The following ATF2 variants were observed in gnomAD, a reference collection of about 807,000 sequenced individuals.
The protein encoded by ATF2 is activating transcription factor 2.
In ATF2, 24 loss-of-function variants were observed where a neutral mutation model predicts 60.6. That is an observed-to-expected ratio of 0.40 (90% CI 0.29 to 0.56). ATF2 has a LOEUF of 0.56. ATF2 is among the 20% of genes least tolerant of loss of function. ATF2 has a pLI of 0.54. For missense variants in ATF2, 433 were observed against 607.7 expected, an observed-to-expected ratio of 0.71 and a Z score of 3.02; for synonymous variants, 206 against 215.4, an observed-to-expected ratio of 0.96 and a Z score of 0.38.
chr2:175,150,196 T>TATAAATAAATATATAAA (rs1699215921), intron 2 of ATF2, among the ~76,000 whole-genome samples: 1 of 152,194 alleles, frequency 6.6e-6, no homozygotes, highest in Admixed American at 6.5e-5. Flanking sequence ...TATAAATGTA[T>TATAAATAAATATATAAA]TGACAGATTT....
rs981629596 is a variant in ATF2, at chr2:175,118,372, G to A, written c.200-3C>T. 14 of 1,599,106 alleles carry A rather than the reference G, an allele frequency of 8.8e-6. No homozygotes were observed. Among genetic ancestry groups the A allele is most frequent in the African/African-American group, 1.3e-5 (1 of 74,176 alleles). ...TCTTGTTGGTGTTGGGGTCTGATCT[G>A]AAATAAATGTCAAGAAGTAATCATG... On this transcript the variant is annotated splice_polypyrimidine_tract_variant and splice_region_variant and intron_variant, in intron 5 of 13. Transcript: ENST00000264110.
At chr2:175,128,500 C>CA (rs1181110162) in intron 4 of ATF2, among the ~76,000 whole-genome samples, 5,216 of 122,190 alleles carry the variant, frequency 0.043, 286 homozygotes, top group African/African-American at 0.14. Context: ...AATTCCGTCT[C>CA]AAAAAAAAAA....
At chr2:175,097,734 T>C in intron 10 of ATF2, 141 bp from the exon 11 acceptor site, 1 of 873,140 alleles carries the variant, frequency 1.1e-6, no homozygotes, top group Non-Finnish European at 1.7e-6. Context: ...ATTTTGCTGT[T>C]CCTAGTGAAT....
intron 4 of ATF2, among the ~76,000 whole-genome samples, chr2:175,128,768 A>T (rs1184566044): frequency 6.6e-6 from 1 of 152,110 alleles, no homozygotes. Context: ...TGCAAACCAC[A>T]GAAAAAGAAG....
chr2:175,118,475 A>G, intron 5 of ATF2, 106 bp from the exon 6 acceptor site: 1 of 949,710 alleles, frequency 1.1e-6, no homozygotes, highest in Non-Finnish European at 1.5e-6. Context: ...TCAGTTGTTA[A>G]TTCTCTCTTT....
At chr2:175,110,337 A>T (rs868595814) in intron 10 of ATF2, among the ~76,000 whole-genome samples, 10 of 150,764 alleles carry the variant, frequency 6.6e-5, no homozygotes, top group African/African-American at 9.9e-5. Flanking sequence ...TCCATCTCAA[A>T]AAATAAATAA....
intron 1 of ATF2, among the ~76,000 whole-genome samples, chr2:175,162,391 A>G (rs745398457): frequency 4.6e-5 from 7 of 152,352 alleles, no homozygotes; most frequent in South Asian, 2.1e-4. Flanking sequence ...GGCAAAGCTA[A>G]CGCATTCATG....
intron 1 of ATF2, among the ~76,000 whole-genome samples, chr2:175,161,567 T>C (rs1488551618): frequency 6.6e-6 from 1 of 152,140 alleles, no homozygotes; most frequent in African/African-American, 2.4e-5. Context: ...CTAATAACTA[T>C]CCTAAAATAT....
At chr2:175,164,825 C>T (rs1426946280) in intron 1 of ATF2, among the ~76,000 whole-genome samples, 1 of 152,162 alleles carries the variant, frequency 6.6e-6, no homozygotes, top group Non-Finnish European at 1.5e-5. Context: ...CTAAATTAAA[C>T]TCCAGATTAT....
chr2:175,163,492 G>C (rs548951698), intron 1 of ATF2, among the ~76,000 whole-genome samples: 4 of 152,104 alleles, frequency 2.6e-5, no homozygotes, highest in Non-Finnish European at 5.9e-5. Context: ...TGTATTCCTT[G>C]GGTAGAAAGG....
intron 3 of ATF2, among the ~76,000 whole-genome samples, chr2:175,135,549 T>C (rs1039016021): frequency 1.3e-5 from 2 of 152,136 alleles, no homozygotes; most frequent in Non-Finnish European, 2.9e-5. Context: ...AACACTAAGA[T>C]GAATCACTGT....
At chr2:175,084,449 A>T (rs1305475088) in intron 12 of ATF2, among the ~76,000 whole-genome samples, 1 of 140,456 alleles carries the variant, frequency 7.1e-6, no homozygotes, top group Non-Finnish European at 1.5e-5. Flanking sequence ...AACAATGAGA[A>T]CACATGGACA....
Position 175,132,133 on chromosome 2 carries a change from G to T in ATF2, c.33-1926C>A, listed in dbSNP as rs71419423. Among the ~76,000 whole-genome samples the T allele has an allele frequency of 7.0e-4, 107 of 152,236 alleles. 1 individual carries two copies. The highest frequency in any genetic ancestry group is 1.8e-3 in the Admixed American group (28 of 15,286). The stretch of plus-strand genomic sequence containing the variant: ...GCATCAAATCCTTGTGAGATAATGA[G>T]AATTTTAAAAAGGTAAATATTTTAG... On this transcript the variant is annotated intron_variant, in intron 3 of 13. Coordinates refer to ENST00000264110, the MANE Select transcript of ATF2 (RefSeq NM_001880.4).
chr2:175,082,918 A>T (rs970981646), intron 12 of ATF2, among the ~76,000 whole-genome samples: 1 of 152,230 alleles, frequency 6.6e-6, no homozygotes, highest in Non-Finnish European at 1.5e-5. Context: ...AGAATAAAAT[A>T]CATAAGAATC....
intron 2 of ATF2, among the ~76,000 whole-genome samples, chr2:175,146,685 G>C (rs1428585276): frequency 6.6e-6 from 1 of 152,172 alleles, no homozygotes; most frequent in Non-Finnish European, 1.5e-5. Context: ...ACTGTGTACT[G>C]TTTTAAATAG....
At chr2:175,088,613 T>C (rs1487747360) in intron 12 of ATF2, among the ~76,000 whole-genome samples, 2 of 151,914 alleles carry the variant, frequency 1.3e-5, no homozygotes, top group Admixed American at 1.3e-4. Flanking sequence ...GCCGTTACCT[T>C]TAATGGCAAA....
chr2:175,120,764 A>C (rs1210939152), intron 5 of ATF2, among the ~76,000 whole-genome samples: 1 of 151,756 alleles, frequency 6.6e-6, no homozygotes, highest in East Asian at 1.9e-4. Context: ...TACATGACAT[A>C]TATGTATATA....
chr2:175,100,350 G>A (rs372651446), intron 10 of ATF2, among the ~76,000 whole-genome samples: 2 of 152,014 alleles, frequency 1.3e-5, no homozygotes, highest in African/African-American at 2.4e-5. Flanking sequence ...TTCTTAGCAC[G>A]GAGGTCCAAA....
At chr2:175,092,864 T>C (rs531622748) in intron 12 of ATF2, among the ~76,000 whole-genome samples, 197 bp downstream of exon 12, 1 of 152,182 alleles carries the variant, frequency 6.6e-6, no homozygotes, top group Non-Finnish European at 1.5e-5. Flanking sequence ...TTCTTCACTG[T>C]ATCAGTGTTG....
Sources: allele counts gnomAD v4.1 joint callset (sites outside exome capture counted in the v4.1 genomes callset), GRCh38; gene constraint gnomAD v4.1.1; transcripts MANE v1.5; gene names NCBI Gene and HGNC (gene_info 2026-07-23, HGNC 2026-07-21).